Variants in APP observed in about 807,000 individuals in gnomAD.
APP encodes the protein amyloid beta precursor protein, also known as amyloid-beta precursor protein.
In APP, 31 loss-of-function variants were observed where a neutral mutation model predicts 101.4. The observed-to-expected ratio is 0.31, with a 90% CI of 0.23 to 0.41. The LOEUF is 0.41. Among genes scored for constraint, APP ranks in the 10% least tolerant of loss-of-function variants. The probability of loss-of-function intolerance (pLI) is 1.00; values close to 1 mark genes in which losing one functional copy is unlikely to be tolerated. For synonymous variants in APP, 366 were observed against 364.4 expected, an observed-to-expected ratio of 1.00 and a Z score of -0.05; for missense variants, 839 against 1,003.7, an observed-to-expected ratio of 0.84 and a Z score of 2.22.
intron 13 of APP, among the ~76,000 whole-genome samples, chr21:25,939,368 T>G (rs1449975703): frequency 1.3e-5 from 2 of 152,238 alleles, no homozygotes; most frequent in East Asian, 3.8e-4. Context: ...ACAGGCTAAT[T>G]AGGGCATTAG....
intron 5 of APP, among the ~76,000 whole-genome samples, chr21:26,048,879 T>C (rs2045722234): frequency 6.6e-6 from 1 of 152,114 alleles, no homozygotes; most frequent in Non-Finnish European, 1.5e-5. Context: ...TAACCCCATT[T>C]GACAAAAAAA....
At chr21:25,899,086 A>G (rs1601329027) in intron 15 of APP, among the ~76,000 whole-genome samples, 2 of 152,326 alleles carry the variant, frequency 1.3e-5, no homozygotes, top group Admixed American at 1.3e-4. Context: ...AACCTATTTG[A>G]AAAGAGACCC....
rs115045598 is a variant in APP, at chr21:25,961,200, C to T, written c.1459-5445G>A. The stretch of plus-strand genomic sequence containing the variant: ...TGACCTAGAAGGCCCCTCCCCACTT[C>T]GAGTCTTCCTGCTTTTTGTTTCAAG... On this transcript the variant is annotated intron_variant, in intron 11 of 17. Transcript: ENST00000346798. 2.4e-3 allele frequency among the ~76,000 whole-genome samples: 358 copies of T among 152,272 alleles called. 1 individual carries two copies. Among genetic ancestry groups the T allele is most frequent in the African/African-American group, 8.2e-3 (341 of 41,562 alleles).
chr21:25,985,808 T>A (rs1424106068), intron 8 of APP, among the ~76,000 whole-genome samples: 1 of 152,116 alleles, frequency 6.6e-6, no homozygotes, highest in African/African-American at 2.4e-5. Context: ...TATCTTTAAC[T>A]CAAATTTTTC....
At chr21:25,926,190 C>G (rs2032164946) in intron 13 of APP, among the ~76,000 whole-genome samples, 1 of 152,190 alleles carries the variant, frequency 6.6e-6, no homozygotes, top group South Asian at 2.1e-4. Flanking sequence ...TCTCAGGAAA[C>G]AGGTCAGTAA....
intron 2 of APP, among the ~76,000 whole-genome samples, chr21:26,098,290 T>C (rs545975260): frequency 2.2e-4 from 34 of 151,708 alleles, no homozygotes; most frequent in Non-Finnish European, 4.9e-4. Flanking sequence ...ATCAGAATGT[T>C]TTGTTCCACA....
At chr21:26,111,379 T>C (rs183874908) in intron 2 of APP, among the ~76,000 whole-genome samples, 1 of 152,262 alleles carries the variant, frequency 6.6e-6, no homozygotes, top group Non-Finnish European at 1.5e-5. Context: ...AAAAAATTAA[T>C]GCTAGCACTT....
At chr21:26,101,929 C>T (rs2062065929) in intron 2 of APP, among the ~76,000 whole-genome samples, 1 of 152,044 alleles carries the variant, frequency 6.6e-6, no homozygotes, top group South Asian at 2.1e-4. Context: ...CTCAGCAACA[C>T]CTGACACAAA....
intron 14 of APP, among the ~76,000 whole-genome samples, chr21:25,908,385 T>G (rs908070071): frequency 6.6e-6 from 1 of 152,198 alleles, no homozygotes; most frequent in African/African-American, 2.4e-5. Context: ...AAACAACAAA[T>G]TTTTGGTAAG....
chr21:26,145,009 A>G (rs2063125990), intron 1 of APP, among the ~76,000 whole-genome samples: 1 of 152,240 alleles, frequency 6.6e-6, no homozygotes, highest in Non-Finnish European at 1.5e-5. Flanking sequence ...TTTCAACTTT[A>G]TAAAAGTAAT....
intron 1 of APP, among the ~76,000 whole-genome samples, chr21:26,136,999 CA>C (rs1157301072): frequency 1.2e-4 from 18 of 152,220 alleles, no homozygotes; most frequent in East Asian, 7.7e-4. Context: ...TCAAGAGATC[CA>C]TCTCTGCTCA....
At chr21:26,055,305 G>A (rs1200456456) in intron 3 of APP, among the ~76,000 whole-genome samples, 1 of 152,056 alleles carries the variant, frequency 6.6e-6, no homozygotes, top group Non-Finnish European at 1.5e-5. Flanking sequence ...ACCTAACTCA[G>A]GAGATTATAA....
intron 5 of APP, among the ~76,000 whole-genome samples, chr21:26,028,657 A>T (rs1412486695): frequency 5.3e-5 from 8 of 152,202 alleles, no homozygotes. Context: ...GTGGCAATGC[A>T]TTCATTCATT....
chr21:26,026,195 C>T (rs115150165), intron 5 of APP, among the ~76,000 whole-genome samples: 1 of 152,164 alleles, frequency 6.6e-6, no homozygotes, highest in Non-Finnish European at 1.5e-5. Flanking sequence ...AAACGCTTGG[C>T]AACATAGTGG....
At position 26,045,387 on chromosome 21, in the gene APP, A is replaced by AG. The variant is rs565425479; in HGVS notation, c.662+5612dup. On this transcript the variant is annotated intron_variant, in intron 5 of 17. Transcript: ENST00000346798. ...TCAGGTTCGTGCATGGCAGGTGATT[A>AG]GCAGCTAGCTGCATTCCAAAGGATA... Among the ~76,000 whole-genome samples the AG allele has an allele frequency of 6.6e-5, 10 of 152,354 alleles. No individual in the cohort carries two copies. The South Asian group carries it at 1.9e-3, about 28-fold the overall frequency.
At chr21:26,096,765 G>A (rs1302621757) in intron 2 of APP, among the ~76,000 whole-genome samples, 4 of 152,050 alleles carry the variant, frequency 2.6e-5, no homozygotes, top group Non-Finnish European at 5.9e-5. Context: ...AACAGAGTGA[G>A]ACCCCGCCTC....
At chr21:25,978,235 T>A (rs1385993092) in intron 9 of APP, among the ~76,000 whole-genome samples, 2 of 152,140 alleles carry the variant, frequency 1.3e-5, no homozygotes, top group Non-Finnish European at 2.9e-5. Flanking sequence ...AATAAACAAA[T>A]CACCTGCACC....
chr21:26,053,863 G>C (rs1351141137), intron 3 of APP, among the ~76,000 whole-genome samples: 1 of 152,174 alleles, frequency 6.6e-6, no homozygotes, highest in African/African-American at 2.4e-5. Context: ...ACATAAGAGA[G>C]AGAGAGTTTA....
chr21:25,916,299 C>T (rs1489393857), intron 13 of APP, among the ~76,000 whole-genome samples: 2 of 152,056 alleles, frequency 1.3e-5, no homozygotes, highest in African/African-American at 2.4e-5. Context: ...TGCGCCTGGC[C>T]GTCAGTGTAG....
Sources: gnomAD v4.1 joint callset for allele counts (sites outside exome capture counted in the v4.1 genomes callset) on GRCh38, gnomAD v4.1.1 for gene constraint, MANE v1.5 for transcripts, NCBI Gene and HGNC (gene_info 2026-07-23, HGNC 2026-07-21) for gene names.